The following MACROD2 variants were observed in gnomAD, a reference collection of about 807,000 sequenced individuals.
The protein encoded by MACROD2 is ADP-ribose glycohydrolase MACROD2.
Under a neutral mutation model 70.4 loss-of-function variants are expected in MACROD2, and 36 were observed. That is an observed-to-expected ratio of 0.51 (90% CI 0.39 to 0.68). The LOEUF (loss-of-function observed/expected upper bound fraction) is 0.68, where lower values mean the gene tolerates loss of function less well. MACROD2 is among the 30% of genes least tolerant of loss of function. The probability of loss-of-function intolerance (pLI) is 0.00; values close to 1 mark genes in which losing one functional copy is unlikely to be tolerated. For missense variants in MACROD2, 496 were observed against 538.4 expected (o/e 0.92, Z 0.78); for synonymous variants, 172 against 178.8 (o/e 0.96, Z 0.30).
chr20:14,651,089 C>T (rs964881058), intron 4 of MACROD2, among the ~76,000 whole-genome samples: 2 of 152,110 alleles, frequency 1.3e-5, no homozygotes, highest in Non-Finnish European at 2.9e-5. Context: ...GTTCTAGGAT[C>T]AGATAAGTTT....
chr20:14,477,991 C>T (rs1287413916), intron 3 of MACROD2, among the ~76,000 whole-genome samples: 3 of 152,126 alleles, frequency 2.0e-5, no homozygotes, highest in Non-Finnish European at 4.4e-5. Flanking sequence ...TGCTATTACC[C>T]ACTCCCATGA....
Position 14,540,266 on chromosome 20 carries a change from C to A in MACROD2, c.301+46758C>A, listed in dbSNP as rs1230709668. On this transcript the variant is annotated intron_variant, in intron 4 of 17. Coordinates refer to ENST00000684519, the MANE Select transcript of MACROD2 (RefSeq NM_001351661.2). ...CTGTGACCTCAGTTACGTTTACTTC[C>A]CCAGATGGTTTTTTACCACATGAGC... Among the ~76,000 whole-genome samples the A allele has an allele frequency of 3.9e-5, 6 of 152,152 alleles. 1 individual carries two copies. The highest frequency in any genetic ancestry group is 7.4e-5 in the Non-Finnish European group (5 of 68,010).
chr20:15,963,223 T>C (rs2066088759), intron 12 of MACROD2, among the ~76,000 whole-genome samples: 1 of 150,454 alleles, frequency 6.6e-6, no homozygotes. Flanking sequence ...TGTGTAGACA[T>C]TTACGCATTA....
At chr20:14,987,532 G>A (rs75114648) in intron 5 of MACROD2, among the ~76,000 whole-genome samples, 2,829 of 152,250 alleles carry the variant, frequency 0.019, 96 homozygotes, top group African/African-American at 0.064. Flanking sequence ...AGGCTTTTAA[G>A]AATAAGTTAC....
At position 14,955,279 on chromosome 20, in the gene MACROD2, T is replaced by C. The variant is rs574346827; in HGVS notation, c.418+270320T>C. Among the ~76,000 whole-genome samples, 1,081 of 136,144 alleles carry C rather than the reference T, an allele frequency of 7.9e-3. 12 individuals carry two copies. The highest frequency in any genetic ancestry group is 0.027 in the African/African-American group (1,036 of 37,678). 89.3% of individuals were successfully genotyped at this position (136,144 alleles called of 152,430 possible). A position where few individuals can be genotyped will look rare whatever the true frequency, so the allele number is the denominator to read the frequency against. On this transcript the variant is annotated intron_variant, in intron 5 of 17. Coordinates refer to ENST00000684519, the MANE Select transcript of MACROD2 (RefSeq NM_001351661.2). ...ATAATATAATATAATTTTTATTATA[T>C]ATAGTTTATATAATATAATATAATT...
intron 5 of MACROD2, among the ~76,000 whole-genome samples, chr20:14,742,053 C>T (rs1298334946): frequency 1.3e-5 from 2 of 152,006 alleles, no homozygotes; most frequent in South Asian, 2.1e-4. Context: ...GTGTCATTAG[C>T]CCACTATTAA....
At chr20:14,579,462 C>T (rs558494341) in intron 4 of MACROD2, among the ~76,000 whole-genome samples, 1 of 152,192 alleles carries the variant, frequency 6.6e-6, no homozygotes, top group Non-Finnish European at 1.5e-5. Flanking sequence ...ATTCTTAATA[C>T]ACACTCTTTG....
chr20:15,204,250 G>A (rs1214570272), intron 5 of MACROD2, among the ~76,000 whole-genome samples: 2 of 151,984 alleles, frequency 1.3e-5, no homozygotes, highest in African/African-American at 4.8e-5. Flanking sequence ...TTTTCCACAC[G>A]CTAATTAAAA....
intron 6 of MACROD2, among the ~76,000 whole-genome samples, chr20:15,386,302 G>A (rs187171610): frequency 2.0e-5 from 3 of 152,116 alleles, no homozygotes; most frequent in Non-Finnish European, 2.9e-5. Context: ...ATATTAGCTC[G>A]TTTTCGTCTA....
At chr20:15,242,087 A>G (rs1438808042) in intron 6 of MACROD2, among the ~76,000 whole-genome samples, 3 of 152,222 alleles carry the variant, frequency 2.0e-5, no homozygotes, top group Non-Finnish European at 2.9e-5. Context: ...CAGTAATGAG[A>G]TATGTCAACA....
At chr20:15,027,562 G>A (rs1400228141) in intron 5 of MACROD2, among the ~76,000 whole-genome samples, 2 of 150,450 alleles carry the variant, frequency 1.3e-5, no homozygotes, top group Non-Finnish European at 3.0e-5. Flanking sequence ...GGTGGTGGGG[G>A]GAAATAATAT....
chr20:14,346,978 T>C (rs1434841314), intron 3 of MACROD2, among the ~76,000 whole-genome samples: 2 of 152,190 alleles, frequency 1.3e-5, no homozygotes, highest in African/African-American at 4.8e-5. Context: ...TCTCATGACA[T>C]AGATATATAG....
intron 8 of MACROD2, among the ~76,000 whole-genome samples, chr20:15,566,084 A>G (rs1568896488): frequency 6.6e-6 from 1 of 152,218 alleles, no homozygotes; most frequent in Admixed American, 6.5e-5. Flanking sequence ...AAAGTAGAGG[A>G]AAAAAATCAT....
At chr20:14,923,256 C>T (rs1266324189) in intron 5 of MACROD2, among the ~76,000 whole-genome samples, 2 of 152,184 alleles carry the variant, frequency 1.3e-5, no homozygotes, top group African/African-American at 4.8e-5. Flanking sequence ...TACCTATCAA[C>T]AATCATCCTT....
chr20:14,726,227 A>G (rs940969356), intron 5 of MACROD2, among the ~76,000 whole-genome samples: 1 of 152,190 alleles, frequency 6.6e-6, no homozygotes, highest in African/African-American at 2.4e-5. Flanking sequence ...CAAAGACATC[A>G]TTAAATGTGA....
At chr20:15,508,960 C>A (rs1246747617) in intron 8 of MACROD2, among the ~76,000 whole-genome samples, 2 of 152,162 alleles carry the variant, frequency 1.3e-5, no homozygotes, top group African/African-American at 4.8e-5. Flanking sequence ...AATGGCCACC[C>A]ATTTTAAGTT....
intron 8 of MACROD2, among the ~76,000 whole-genome samples, chr20:15,717,228 C>G (rs2050720061): frequency 6.6e-6 from 1 of 152,104 alleles, no homozygotes. Flanking sequence ...AATTTGATTT[C>G]TTTTTCTCCT....
chr20:15,080,948 G>A (rs1266504600), intron 5 of MACROD2, among the ~76,000 whole-genome samples: 1 of 151,896 alleles, frequency 6.6e-6, no homozygotes, highest in Non-Finnish European at 1.5e-5. Flanking sequence ...CACTCCACGA[G>A]TAAATCTTGC....
intron 5 of MACROD2, among the ~76,000 whole-genome samples, chr20:15,015,590 G>A (rs2075115288): frequency 6.6e-6 from 1 of 151,876 alleles, no homozygotes; most frequent in Non-Finnish European, 1.5e-5. Context: ...GAAAGCCACT[G>A]TATTTAGTGA....
Sources: allele counts gnomAD v4.1 joint callset (sites outside exome capture counted in the v4.1 genomes callset), GRCh38; gene constraint gnomAD v4.1.1; transcripts MANE v1.5; gene names NCBI Gene and HGNC (gene_info 2026-07-23, HGNC 2026-07-21).